The following MAP2 variants were observed in gnomAD, a reference collection of about 807,000 sequenced individuals.
MAP2 encodes the protein microtubule associated protein 2.
Under a neutral mutation model 137.6 loss-of-function variants are expected in MAP2, and 14 were observed. That is an observed-to-expected ratio of 0.10 (90% CI 0.07 to 0.16). MAP2 has a LOEUF of 0.16. Ranked by LOEUF, MAP2 falls within the 10% of genes least tolerant of loss-of-function variation. MAP2 has a pLI of 1.00. For missense variants in MAP2, 2,088 were observed against 2,191.5 expected (o/e 0.95, Z 0.94); for synonymous variants, 786 against 782.3 (o/e 1.00, Z -0.08).
At chr2:209,482,249 C>T (rs2057804646) in intron 1 of MAP2, among the ~76,000 whole-genome samples, 1 of 152,094 alleles carries the variant, frequency 6.6e-6, no homozygotes, top group Non-Finnish European at 1.5e-5. Context: ...CTATCTCATA[C>T]AGTATAGATA....
chr2:209,671,933 G>A (rs1466919552), intron 5 of MAP2, among the ~76,000 whole-genome samples: 1 of 151,734 alleles, frequency 6.6e-6, no homozygotes. Context: ...TCAGAAACAA[G>A]TTGAAACTTC....
At chr2:209,687,470 A>G (rs551588580) in intron 7 of MAP2, among the ~76,000 whole-genome samples, 1 of 152,178 alleles carries the variant, frequency 6.6e-6, no homozygotes, top group African/African-American at 2.4e-5. Flanking sequence ...AGGGCTGTCA[A>G]TGCTTTTGGT....
At chr2:209,660,513 C>T (rs2042969385) in intron 5 of MAP2, among the ~76,000 whole-genome samples, 1 of 147,600 alleles carries the variant, frequency 6.8e-6, no homozygotes. Context: ...CCCGCCTCAG[C>T]CTCCCAATAG....
chr2:209,617,211 A>C (rs1395013189), intron 3 of MAP2, among the ~76,000 whole-genome samples: 1 of 152,148 alleles, frequency 6.6e-6, no homozygotes, highest in African/African-American at 2.4e-5. Context: ...GCCTAGAGAT[A>C]GACAAAAGGA....
chr2:209,493,174 T>C (rs1031210263), intron 1 of MAP2, among the ~76,000 whole-genome samples: 3 of 152,064 alleles, frequency 2.0e-5, no homozygotes, highest in African/African-American at 7.2e-5. Flanking sequence ...AAACAAGCAA[T>C]GGGGAAAGGA....
intron 3 of MAP2, among the ~76,000 whole-genome samples, chr2:209,613,201 G>A (rs892558415): frequency 1.3e-5 from 2 of 152,022 alleles, no homozygotes; most frequent in Admixed American, 1.3e-4. Context: ...ATGAGGCAAA[G>A]AGAAAGCCAC....
intron 1 of MAP2, among the ~76,000 whole-genome samples, chr2:209,498,567 G>A (rs2060022982): frequency 6.6e-6 from 1 of 152,232 alleles, no homozygotes; most frequent in Non-Finnish European, 1.5e-5. Flanking sequence ...CCCTGCAGCA[G>A]GCTTCTGCCT....
intron 5 of MAP2, among the ~76,000 whole-genome samples, chr2:209,664,158 A>G (rs2045101165): frequency 6.6e-6 from 1 of 152,230 alleles, no homozygotes; most frequent in South Asian, 2.1e-4. Context: ...TTTGGGGTAG[A>G]ACCTGTGCTT....
chr2:209,581,591 G>GA (rs932356074), intron 3 of MAP2, among the ~76,000 whole-genome samples: 20 of 151,838 alleles, frequency 1.3e-4, no homozygotes, highest in Admixed American at 2.0e-4. Flanking sequence ...ATGTTTGGTG[G>GA]AAAAAAAATC....
chr2:209,566,704 T>C (rs2073490275), intron 2 of MAP2, among the ~76,000 whole-genome samples: 1 of 152,174 alleles, frequency 6.6e-6, no homozygotes, highest in African/African-American at 2.4e-5. Context: ...CCCCCGTTTG[T>C]TTCTTTGTTT....
intron 10 of MAP2, among the ~76,000 whole-genome samples, chr2:209,697,535 C>T (rs2060523043): frequency 6.6e-6 from 1 of 151,880 alleles, no homozygotes; most frequent in Non-Finnish European, 1.5e-5. Flanking sequence ...AAATGAAAAG[C>T]AAGCCAGGAA....
At chr2:209,728,305 T>C (rs548957735) in intron 14 of MAP2, among the ~76,000 whole-genome samples, 9 of 152,186 alleles carry the variant, frequency 5.9e-5, no homozygotes, top group Non-Finnish European at 1.2e-4. Context: ...CTAACCAAGA[T>C]AAGTCTGTTT....
chr2:209,693,594 C>T lies in MAP2; in HGVS notation c.1424C>T (p.Thr475Ile), dbSNP rs2059488224. ...GATGAAGAAATAGGCATAATTCAGA[C>T]CTCCACAGAGCACACTTTCTCAGAA... ...PADEEIGIIQ[T>I]STEHTFSEQK... The change falls in exon 8 of 16, where the codon ACC becomes ATC. Residue 475 changes from threonine (T) to isoleucine (I), a missense_variant. By Grantham distance (89) the Thr-to-Ile change is moderately conservative. Around this residue, in one of 6 missense-constraint regions of MAP2, gnomAD observed 859 missense variants for 794.5 expected, o/e 1.08. Coordinates refer to ENST00000682079, the MANE Select transcript of MAP2 (RefSeq NM_001375505.1). 3 of 1,613,954 alleles carry T rather than the reference C, an allele frequency of 1.9e-6. No homozygotes were observed. In the East Asian group the frequency reaches 6.7e-5, roughly 36 times the overall value.
chr2:209,470,317 A>G (rs1298253584), intron 1 of MAP2, among the ~76,000 whole-genome samples: 2 of 152,078 alleles, frequency 1.3e-5, no homozygotes, highest in Non-Finnish European at 2.9e-5. Flanking sequence ...ATGGCAAGGG[A>G]TCTTGTATAT....
At chr2:209,539,055 C>G (rs879825528) in intron 2 of MAP2, among the ~76,000 whole-genome samples, 4 of 152,082 alleles carry the variant, frequency 2.6e-5, no homozygotes, top group Admixed American at 6.6e-5. Context: ...ATATTTAAGG[C>G]AGAACACAAT....
intron 1 of MAP2, among the ~76,000 whole-genome samples, chr2:209,462,798 T>TTAGTAAATAAATATA (rs1703149859): frequency 6.6e-6 from 1 of 152,294 alleles, no homozygotes; most frequent in East Asian, 1.9e-4. Flanking sequence ...ATGCTTGGGT[T>TTAGTAAATAAATATA]TAGTAAATAA....
chr2:209,610,446 CT>C (rs200610671), intron 3 of MAP2, among the ~76,000 whole-genome samples: 163 of 145,444 alleles, frequency 1.1e-3, no homozygotes, highest in South Asian at 1.3e-3. Flanking sequence ...ATTGTTTTTA[CT>C]TTTTTTTTTT....
At chr2:209,662,555 CTTG>C (rs1325708864) in intron 5 of MAP2, among the ~76,000 whole-genome samples, 1 of 152,036 alleles carries the variant, frequency 6.6e-6, no homozygotes, top group East Asian at 1.9e-4. Context: ...TTTCCAAGAT[CTTG>C]TTAAGTTTTC....
At chr2:209,566,845 C>A (rs564668120) in intron 2 of MAP2, among the ~76,000 whole-genome samples, 3 of 152,032 alleles carry the variant, frequency 2.0e-5, no homozygotes, top group African/African-American at 4.8e-5. Context: ...TTAACACAGG[C>A]CTCACATCCC....
Sources: gnomAD v4.1 joint callset for allele counts (sites outside exome capture counted in the v4.1 genomes callset) on GRCh38, gnomAD v4.1.1 for gene constraint, gnomAD v4.1.1 regional missense constraint, MANE v1.5 for transcripts, NCBI Gene and HGNC (gene_info 2026-07-23, HGNC 2026-07-21) for gene names.